The following CDHR2 variants were observed in gnomAD, a reference collection of about 807,000 sequenced individuals.
CDHR2 encodes cadherin related family member 2, also known as cadherin-related family member 2.
A neutral mutation model predicts 138.6 loss-of-function variants in CDHR2; 104 were observed. That is an observed-to-expected ratio of 0.75 (90% CI 0.64 to 0.88). The LOEUF is 0.88. CDHR2 is among the 40% of genes least tolerant of loss of function. The pLI is 0.00. For missense variants in CDHR2, 1,624 were observed against 1,727.6 expected (o/e 0.94, Z 1.06); for synonymous variants, 755 against 742.8 (o/e 1.02, Z -0.27).
Position 176,543,246 on chromosome 5 carries a change from C to G in CDHR2, c.-16+477C>G, listed in dbSNP as rs1163931612. 6.8e-6 allele frequency among the ~76,000 whole-genome samples: 1 copy of G among 146,886 alleles called. No individual in the cohort carries two copies. The highest frequency in any genetic ancestry group is 1.5e-5 in the Non-Finnish European group (1 of 65,984). On this transcript the variant is annotated intron_variant, in intron 1 of 31. Transcript: ENST00000510636. This position sits in a 1 kb window ranked among gnomAD's most constrained non-coding sequence, Gnocchi z 4.0. ...CGCCCGGGGCGCTCGGCGCAGGGTCCGGGCCCGGCGTTACCTGGGGCCGCG... is the reference window on the plus strand; with the variant it reads ...CGCCCGGGGCGCTCGGCGCAGGGTCGGGGCCCGGCGTTACCTGGGGCCGCG...
chr5:176,544,281 G>C (rs1757531053), intron 1 of CDHR2, among the ~76,000 whole-genome samples: 1 of 152,240 alleles, frequency 6.6e-6, no homozygotes, highest in South Asian at 2.1e-4. Flanking sequence ...AGGCTCTGGG[G>C]TGGGGAGAAG....
chr5:176,591,203 C>T lies in CDHR2; in HGVS notation c.3540-7C>T. 1.2e-6 allele frequency: 2 copies of T among 1,602,832 alleles called. No homozygotes were observed. The highest frequency in any genetic ancestry group is 1.7e-6 in the Non-Finnish European group (2 of 1,170,082). ...AACAGTGTGACCCCTCTTCCGGTTC[C>T]CCACAGCTACAACCGGAAGCTTCAA... On this transcript the variant is annotated splice_polypyrimidine_tract_variant and splice_region_variant and intron_variant, in intron 28 of 31. Transcript: ENST00000261944.
Position 176,575,348 on chromosome 5 carries a change from C to A in CDHR2, c.690C>A (p.Ser230=). ...QCSLPVFLSI[S]VVDQPDLDPQ... is the part of the protein sequence containing the mutation. ...CCCTGCCTGTCTTCCTGTCCATCTC[C>A]GTGGTGGACCAGCCTGACCTTGACC... is the stretch of plus-strand genomic sequence containing the variant. Residue 230 remains serine (S), a synonymous_variant, in exon 9 of 32, where the codon TCC becomes TCA. Transcript: ENST00000261944. 6.2e-7 allele frequency: 1 copy of A among 1,614,246 alleles called. No homozygotes were observed. Among genetic ancestry groups the A allele is most frequent in the Middle Eastern group, 1.6e-4 (1 of 6,062 alleles).
intron 17 of CDHR2, 25 bp downstream of exon 17, chr5:176,581,607 G>A: frequency 3.7e-6 from 6 of 1,600,602 alleles, no homozygotes; most frequent in Non-Finnish European, 5.1e-6. Flanking sequence ...AGCCAGGATG[G>A]GCCTGGGGGC....
chr5:176,581,529 G>C lies in CDHR2; in HGVS notation c.2005G>C (p.Asp669His), dbSNP rs1307094171. ...CATTGTGCTGACAGTGCTTGTGTCT[G>C]ACTGCGGCGAGCCTGTCCTCGGCAC... is the stretch of plus-strand genomic sequence containing the variant. ...GRIVLTVLVS[D>H]CGEPVLGTKV... Residue 669 changes from aspartate (D) to histidine (H), a missense_variant, in exon 17 of 32, where the codon GAC becomes CAC. Transcript: ENST00000261944. The C allele has an allele frequency of 6.2e-7, 1 of 1,614,130 alleles. No individual in the cohort carries two copies. Among genetic ancestry groups the C allele is most frequent in the Admixed American group, 1.7e-5 (1 of 60,036 alleles).
rs1255782866 is a variant in CDHR2 at position 176,589,505 on chromosome 5, TCTC to T, written c.3118-20_3118-18del. On this transcript the variant is annotated intron_variant, in intron 23 of 31. Transcript: ENST00000261944. Reference sequence around the variant, plus strand: ...AGCCCCCAGGGTCCCTGGTGCCTCATCTCCTGCACACCCCCTTCCCAGCTCTTC... The same window carrying T: ...AGCCCCCAGGGTCCCTGGTGCCTCATCTGCACACCCCCTTCCCAGCTCTTC... 4 of 1,613,644 alleles carry T rather than the reference TCTC, an allele frequency of 2.5e-6. No individual in the cohort carries two copies. The highest frequency in any genetic ancestry group is 2.2e-5 in the South Asian group (2 of 91,066).
In CDHR2 at chr5:176,581,503, G is replaced by C. The variant is rs201340301; in HGVS notation, c.1979G>C (p.Arg660Pro). 1 of 1,614,092 alleles carries C rather than the reference G, an allele frequency of 6.2e-7. No individual in the cohort carries two copies. Among genetic ancestry groups the C allele is most frequent in the Non-Finnish European group, 8.5e-7 (1 of 1,180,026 alleles). ...GCCATCGACCCCGCCCTGGAGGGCC[G>C]CATTGTGCTGACAGTGCTTGTGTCT... Reference protein sequence around the residue: ...REAIDPALEGRIVLTVLVSDC... With the variant: ...REAIDPALEGPIVLTVLVSDC... Residue 660 changes from arginine to proline, a missense_variant, in exon 17 of 32, where the codon CGC becomes CCC. Around this residue, in one of 3 missense-constraint regions of CDHR2, gnomAD observed 1,061 missense variants for 1,136.6 expected, o/e 0.93. Coordinates refer to ENST00000261944, the MANE Select transcript of CDHR2 (RefSeq NM_017675.6).
Position 176,591,219 on chromosome 5 carries a change from G to A in CDHR2, c.3549G>A (p.Arg1183=). Residue 1183 remains arginine (R), a synonymous_variant, in exon 29 of 32, where the codon CGG becomes CGA. Transcript: ENST00000261944. The stretch of plus-strand genomic sequence containing the variant: ...TTCCGGTTCCCCACAGCTACAACCG[G>A]AAGCTTCAAGCTATGAAGGCTGCCA... ...AFVCVRKSYN[R]KLQAMKAAKE... 1 of 1,612,904 alleles carries A rather than the reference G, an allele frequency of 6.2e-7. No individual in the cohort carries two copies. Among genetic ancestry groups the A allele is most frequent in the Non-Finnish European group, 8.5e-7 (1 of 1,179,164 alleles).
At chr5:176,592,448 T>C (rs1476726771) in intron 30 of CDHR2, among the ~76,000 whole-genome samples, 2 of 147,378 alleles carry the variant, frequency 1.4e-5, no homozygotes, top group Non-Finnish European at 3.0e-5. Flanking sequence ...TGATGGATGA[T>C]GACGGTGGTG....
chr5:176,595,568 C>T lies in CDHR2; in HGVS notation c.3829C>T (p.Pro1277Ser). 1 of 1,612,168 alleles carries T rather than the reference C, an allele frequency of 6.2e-7. No individual in the cohort carries two copies. Among genetic ancestry groups the T allele is most frequent in the Non-Finnish European group, 8.5e-7 (1 of 1,178,966 alleles). Residue 1277 changes from proline (P) to serine (S), a missense_variant, in exon 32 of 32, where the codon CCA (proline) becomes TCA (serine). Around this residue, in one of 3 missense-constraint regions of CDHR2, gnomAD observed 556 missense variants for 565.7 expected, o/e 0.98. Coordinates refer to ENST00000261944, the MANE Select transcript of CDHR2 (RefSeq NM_017675.6). The part of the protein sequence containing the change: ...RPPHTPPEPD[P>S]EPLSVVLLGR... ...ACCACACACACCACCAGAGCCAGATCCAGAGCCCCTGAGCGTGGTCCTGTT... is the reference window on the plus strand; with the variant it reads ...ACCACACACACCACCAGAGCCAGATTCAGAGCCCCTGAGCGTGGTCCTGTT...
At chr5:176,545,056 G>A (rs532754429), upstream of CDHR2, among the ~76,000 whole-genome samples, 1 of 152,200 alleles carries the variant, frequency 6.6e-6, no homozygotes, top group African/African-American at 2.4e-5. Flanking sequence ...ATAAATTTCT[G>A]AGTATGCAGT....
At chr5:176,574,209 G>C in intron 7 of CDHR2, 37 bp downstream of exon 7, 1 of 1,468,154 alleles carries the variant, frequency 6.8e-7, no homozygotes, top group Non-Finnish European at 9.5e-7. Context: ...CTTTGTGACC[G>C]CCAGGGGGCA....
At chr5:176,591,959 CGGT>C (rs1554144509) in intron 30 of CDHR2, among the ~76,000 whole-genome samples, 6 of 55,016 alleles carry the variant, frequency 1.1e-4, no homozygotes, top group South Asian at 4.5e-4. Context: ...GTGATGATGA[CGGT>C]GGTGGTGGTG....
intron 1 of CDHR2, among the ~76,000 whole-genome samples, chr5:176,556,375 C>A (rs956327686): frequency 6.6e-6 from 1 of 151,894 alleles, no homozygotes; most frequent in Non-Finnish European, 1.5e-5. Context: ...TCTCAAGAAA[C>A]ACCTAAACAG....
At chr5:176,569,848 T>G (rs977181634) in intron 5 of CDHR2, among the ~76,000 whole-genome samples, 8 of 151,922 alleles carry the variant, frequency 5.3e-5, no homozygotes, top group Non-Finnish European at 8.8e-5. Context: ...TAATTCCAAC[T>G]ACTCAGGAGG....
rs748008378 is a variant in CDHR2, at chr5:176,574,111, C to G, written c.434C>G (p.Ser145Cys). The G allele has an allele frequency of 6.2e-7, 1 of 1,613,940 alleles. No homozygotes were observed. The highest frequency in any genetic ancestry group is 2.2e-5 in the East Asian group (1 of 44,888). Residue 145 changes from serine (S) to cysteine (C), a missense_variant, in exon 7 of 32, where the codon TCC becomes TGC. Around this residue, in one of 3 missense-constraint regions of CDHR2, gnomAD observed 1,061 missense variants for 1,136.6 expected, o/e 0.93. Transcript: ENST00000261944. Reference protein sequence around the residue: ...ETLPVGSVVFSVLAVDKDMGS... With the variant: ...ETLPVGSVVFCVLAVDKDMGS... ...CTGCCCGTGGGCAGTGTGGTGTTCT[C>G]CGTGCTGGCCGTGGATAAAGACATG...
At chr5:176,546,275 G>C (rs536102461), upstream of CDHR2, among the ~76,000 whole-genome samples, 7 of 152,284 alleles carry the variant, frequency 4.6e-5, no homozygotes, top group East Asian at 1.2e-3. Context: ...GTAATCTCGG[G>C]TGGTGATCTA....
Position 176,574,178 on chromosome 5 carries a change from T to A in CDHR2, c.495+6T>A. 6.2e-7 allele frequency: 1 copy of A among 1,608,784 alleles called. No individual in the cohort carries two copies. The highest frequency in any genetic ancestry group is 8.5e-7 in the Non-Finnish European group (1 of 1,175,576). On this transcript the variant is annotated splice_donor_region_variant and intron_variant, in intron 7 of 31. Coordinates refer to ENST00000261944, the MANE Select transcript of CDHR2 (RefSeq NM_017675.6). ...TCGTGTACTCCATAGAGAAGGTGAG[T>A]GTGAAGGGGGCCCTGACCGCCTTTG...
Position 176,577,744 on chromosome 5 carries a change from C to T in CDHR2, c.1458C>T (p.Val486=). The change falls in exon 14 of 32, where the codon GTC becomes GTT. Residue 486 remains valine, a synonymous_variant. Coordinates refer to ENST00000261944, the MANE Select transcript of CDHR2 (RefSeq NM_017675.6). The stretch of plus-strand genomic sequence containing the variant: ...CCACGTTTCCCCAGAGCTTGTACGT[C>T]CTCACGGTGCCAGAGCACAGCGCCA... The part of the protein sequence containing the change: ...HRPTFPQSLY[V]LTVPEHSATG... 6.2e-7 allele frequency: 1 copy of T among 1,614,252 alleles called. No homozygotes were observed.
Sources: gnomAD v4.1 joint callset for allele counts (sites outside exome capture counted in the v4.1 genomes callset) on GRCh38, gnomAD v4.1.1 for gene constraint, gnomAD v4.1.1 regional missense constraint, Gnocchi (gnomAD v3.1) non-coding constraint, MANE v1.5 for transcripts, NCBI Gene and HGNC (gene_info 2026-07-23, HGNC 2026-07-21) for gene names.